TMEM132D: variants seen among roughly 807,000 people sequenced by gnomAD.
The protein encoded by TMEM132D is transmembrane protein 132D.
In TMEM132D, 21 loss-of-function variants were observed where a neutral mutation model predicts 62.3. The ratio of observed to expected loss-of-function variants is 0.34; its 90% CI spans 0.24 to 0.49. TMEM132D has a LOEUF of 0.49. TMEM132D is among the 20% of genes least tolerant of loss of function. TMEM132D has a pLI of 0.99. For synonymous variants in TMEM132D, 621 were observed against 575.6 expected (o/e 1.08, Z -1.13); for missense variants, 1,346 against 1,402.8 (o/e 0.96, Z 0.65).
At chr12:129,719,310 G>A (rs1436908942) in intron 1 of TMEM132D, among the ~76,000 whole-genome samples, 2 of 151,982 alleles carry the variant, frequency 1.3e-5, no homozygotes, top group East Asian at 1.9e-4. Flanking sequence ...TACTCCAGAG[G>A]TAACCTAAAA....
Position 129,550,396 on chromosome 12 carries a change from C to T in TMEM132D, c.969-19191G>A, listed in dbSNP as rs566126169. Among the ~76,000 whole-genome samples the T allele has an allele frequency of 1.1e-4, 16 of 152,294 alleles. No homozygotes were observed. In the South Asian group the frequency reaches 3.3e-3, roughly 32 times the overall value. ...TCACTATGTTCCCCCTCTCTGATTGCCCCTCTGAAATGGTTCTTTCTTCCG... is the reference window on the plus strand; with the variant it reads ...TCACTATGTTCCCCCTCTCTGATTGTCCCTCTGAAATGGTTCTTTCTTCCG... On this transcript the variant is annotated intron_variant, in intron 2 of 8. Coordinates refer to ENST00000422113, the MANE Select transcript of TMEM132D (RefSeq NM_133448.3).
At chr12:129,382,727 G>T (rs112435274) in intron 3 of TMEM132D, among the ~76,000 whole-genome samples, 2,381 of 152,250 alleles carry the variant, frequency 0.016, 65 homozygotes, top group African/African-American at 0.054. Flanking sequence ...TATGAATACA[G>T]AGGCTTTTGA....
chr12:129,188,766 AG>A (rs1358215335), intron 5 of TMEM132D, among the ~76,000 whole-genome samples: 2 of 3,320 alleles, frequency 6.0e-4, no homozygotes, highest in Non-Finnish European at 5.8e-3. Context: ...AGAGAGGGAG[AG>A]AGAGAGAGAG....
chr12:129,513,845 TTTA>T (rs1555262123), intron 3 of TMEM132D, among the ~76,000 whole-genome samples: 2 of 137,030 alleles, frequency 1.5e-5, no homozygotes, highest in Admixed American at 7.5e-5. Flanking sequence ...TATTTATTTA[TTTA>T]TTTTTTTGAG....
At chr12:129,127,547 A>G (rs1876251467) in intron 5 of TMEM132D, among the ~76,000 whole-genome samples, 2 of 152,154 alleles carry the variant, frequency 1.3e-5, no homozygotes, top group South Asian at 4.2e-4. Flanking sequence ...TTAAAAGTCA[A>G]TGTGAACAGC....
intron 2 of TMEM132D, among the ~76,000 whole-genome samples, chr12:129,612,936 C>A (rs149906736): frequency 6.6e-6 from 1 of 152,330 alleles, no homozygotes; most frequent in Non-Finnish European, 1.5e-5. Context: ...AATATTTTAA[C>A]ATTTCATGTC....
At chr12:129,153,853 G>A (rs7304597) in intron 5 of TMEM132D, among the ~76,000 whole-genome samples, 93,412 of 151,766 alleles carry the variant, frequency 0.62, 29,136 homozygotes, top group Non-Finnish European at 0.67. Flanking sequence ...CTCTCATTTC[G>A]GCTGGGAATC....
chr12:129,387,589 C>T (rs1252264903), intron 3 of TMEM132D, among the ~76,000 whole-genome samples: 1 of 151,894 alleles, frequency 6.6e-6, no homozygotes, highest in Non-Finnish European at 1.5e-5. Flanking sequence ...TACTAACATC[C>T]ATGGCAATAT....
At chr12:129,533,157 T>C (rs1876277465) in intron 2 of TMEM132D, among the ~76,000 whole-genome samples, 1 of 152,202 alleles carries the variant, frequency 6.6e-6, no homozygotes, top group Non-Finnish European at 1.5e-5. Flanking sequence ...TCATCACGTA[T>C]AACATTATTT....
intron 1 of TMEM132D, among the ~76,000 whole-genome samples, chr12:129,874,700 C>CTTTT (rs71085583): frequency 2.5e-4 from 29 of 117,904 alleles, no homozygotes; most frequent in Non-Finnish European, 3.2e-4. Flanking sequence ...TCACATTTTT[C>CTTTT]TTTTTTTTTT....
rs1874557859 is a variant in TMEM132D, at chr12:129,084,684, A to G, written c.1462T>C (p.Tyr488His). The G allele has an allele frequency of 6.2e-7, 1 of 1,614,046 alleles. No homozygotes were observed. The highest frequency in any genetic ancestry group is 8.5e-7 in the Non-Finnish European group (1 of 1,179,996). ...DVIKVSDRCD[Y>H]VFVNGKEMKG... ...ATTTCTTTCCCATTGACAAAGACGT[A>G]GTCACATCTGTCAGAAACCTGTGAA... is the stretch of plus-strand genomic sequence containing the variant. Residue 488 changes from tyrosine (Y) to histidine (H), a missense_variant, in exon 6 of 9, where the codon TAC becomes CAC. Transcript: ENST00000422113.
At chr12:129,114,711 C>T (rs1875838987) in intron 5 of TMEM132D, among the ~76,000 whole-genome samples, 2 of 152,148 alleles carry the variant, frequency 1.3e-5, no homozygotes, top group South Asian at 4.1e-4. Context: ...AAACTCTAAC[C>T]TGCTTTCTAA....
intron 2 of TMEM132D, among the ~76,000 whole-genome samples, chr12:129,693,526 T>C (rs766305871): frequency 5.9e-5 from 9 of 152,026 alleles, no homozygotes; most frequent in Non-Finnish European, 1.2e-4. Context: ...GGGAAAAAAG[T>C]AACTTTACGG....
intron 3 of TMEM132D, among the ~76,000 whole-genome samples, chr12:129,513,812 ATTTATTTATTTAT>A (rs1468910281): frequency 3.9e-5 from 4 of 103,678 alleles, no homozygotes; most frequent in East Asian, 3.4e-4. Context: ...ATTTTTATTT[ATTTATTTATTTAT>A]TTATTTATTT....
intron 5 of TMEM132D, among the ~76,000 whole-genome samples, chr12:129,181,442 G>T (rs1387206094): frequency 6.6e-6 from 1 of 152,214 alleles, no homozygotes; most frequent in East Asian, 1.9e-4. Context: ...ACAGCAGAGA[G>T]ACTTTTCTGA....
chr12:129,682,480 C>A (rs1338495836), intron 2 of TMEM132D, among the ~76,000 whole-genome samples: 2 of 152,156 alleles, frequency 1.3e-5, no homozygotes, highest in Non-Finnish European at 2.9e-5. Context: ...CAGGCAAACA[C>A]AGCCCTTTTG....
chr12:129,374,177 G>T (rs1185248573), intron 3 of TMEM132D, among the ~76,000 whole-genome samples: 1 of 152,000 alleles, frequency 6.6e-6, no homozygotes, highest in African/African-American at 2.4e-5. Context: ...CTGGAAGATG[G>T]AAGGTCTGAG....
chr12:129,633,602 T>C (rs975979265), intron 2 of TMEM132D, among the ~76,000 whole-genome samples: 17 of 152,188 alleles, frequency 1.1e-4, no homozygotes, highest in African/African-American at 4.1e-4. Flanking sequence ...TGGATTCATT[T>C]TGTCAGCTCT....
chr12:129,659,425 A>G (rs1880178955), intron 2 of TMEM132D, among the ~76,000 whole-genome samples: 1 of 152,206 alleles, frequency 6.6e-6, no homozygotes, highest in African/African-American at 2.4e-5. Context: ...GGAAAACAAA[A>G]AACAGTCACT....
Sources: gnomAD v4.1 joint callset for allele counts (sites outside exome capture counted in the v4.1 genomes callset) on GRCh38, gnomAD v4.1.1 for gene constraint, MANE v1.5 for transcripts, NCBI Gene and HGNC (gene_info 2026-07-23, HGNC 2026-07-21) for gene names.